MYOM2: variants seen among roughly 807,000 people sequenced by gnomAD.
MYOM2 encodes the protein myomesin 2.
MYOM2 carries 254 observed loss-of-function variants against 187.6 expected under a neutral mutation model. The observed-to-expected ratio is 1.35, with a 90% CI of 1.22 to 1.50. The LOEUF (loss-of-function observed/expected upper bound fraction) is 1.50, where lower values mean the gene tolerates loss of function less well. Ranked by LOEUF, MYOM2 falls within the 40% of genes most tolerant of loss-of-function variation. The probability of loss-of-function intolerance (pLI) is 0.00; values close to 1 mark genes in which losing one functional copy is unlikely to be tolerated. For missense variants in MYOM2, 2,796 were observed against 1,924.0 expected (o/e 1.45, Z -8.48); for synonymous variants, 981 against 753.8 (o/e 1.30, Z -4.94).
At chr8:2,139,049 CCCG>C (rs1798182512) in intron 32 of MYOM2, among the ~76,000 whole-genome samples, 2 of 136,288 alleles carry the variant, frequency 1.5e-5, no homozygotes, top group Non-Finnish European at 3.2e-5. Flanking sequence ...CCACCAGAGA[CCCG>C]ACACACACTG....
chr8:2,122,903 A>T (rs1797505143), intron 28 of MYOM2, among the ~76,000 whole-genome samples: 2 of 152,210 alleles, frequency 1.3e-5, no homozygotes, highest in South Asian at 2.1e-4. Flanking sequence ...ATTCTCTATT[A>T]TTCAGAAATC....
Position 2,098,927 on chromosome 8 carries a change from A to C in MYOM2, c.2384A>C (p.Glu795Ala). 6.2e-7 allele frequency: 1 copy of C among 1,613,492 alleles called. No homozygotes were observed. Among genetic ancestry groups the C allele is most frequent in the Non-Finnish European group, 8.5e-7 (1 of 1,179,814 alleles). Residue 795 changes from glutamate to alanine, a missense_variant, in exon 19 of 37, where the codon GAG becomes GCG. By Grantham distance (107) the Glu-to-Ala change is moderately radical. Coordinates refer to ENST00000262113, the MANE Select transcript of MYOM2 (RefSeq NM_003970.4). ...GCCGTCAACCTGGCCGGCATCGGGG[A>C]GCCCTCAGATCCCAGTGAGCACTTC... is the stretch of plus-strand genomic sequence containing the variant. ...IAAVNLAGIG[E>A]PSDPSEHFKC...
At chr8:2,133,390 C>T (rs79350235) in intron 32 of MYOM2, among the ~76,000 whole-genome samples, 5 of 152,302 alleles carry the variant, frequency 3.3e-5, no homozygotes, top group East Asian at 1.9e-4. Flanking sequence ...GACACCACAG[C>T]GCTATTGAAA....
intron 8 of MYOM2, 26 bp downstream of exon 8, chr8:2,069,523 G>C (rs1819143079): frequency 6.2e-7 from 1 of 1,613,840 alleles, no homozygotes; most frequent in Non-Finnish European, 8.5e-7. Context: ...TTTCTTTTCT[G>C]TGTGGTGAAA....
At chr8:2,093,365 A>T (rs1260509314) in intron 16 of MYOM2, among the ~76,000 whole-genome samples, 1 of 152,230 alleles carries the variant, frequency 6.6e-6, no homozygotes, top group Non-Finnish European at 1.5e-5. Context: ...TATGATAAAT[A>T]ATAATTGCTT....
At chr8:2,129,304 C>T (rs535145202) in intron 32 of MYOM2, 72 bp downstream of exon 32, 22 of 998,156 alleles carry the variant, frequency 2.2e-5, no homozygotes, top group Middle Eastern at 2.2e-4. Flanking sequence ...TGGGACCAGG[C>T]GCTCCCTGGG....
At chr8:2,049,043 G>A (rs1329811944) in intron 1 of MYOM2, among the ~76,000 whole-genome samples, 1 of 152,038 alleles carries the variant, frequency 6.6e-6, no homozygotes, top group African/African-American at 2.4e-5. Context: ...CACCCGCCTT[G>A]GCCTCCCAAA....
At chr8:2,132,422 G>A (rs941523126) in intron 32 of MYOM2, among the ~76,000 whole-genome samples, 11 of 152,174 alleles carry the variant, frequency 7.2e-5, no homozygotes, top group African/African-American at 2.4e-4. Flanking sequence ...CAGGCAAAGA[G>A]GAATTCAGTA....
chr8:2,122,898 C>G (rs1452659779), intron 28 of MYOM2, among the ~76,000 whole-genome samples: 1 of 152,124 alleles, frequency 6.6e-6, no homozygotes, highest in Non-Finnish European at 1.5e-5. Flanking sequence ...AGAATATTCT[C>G]TATTATTCAG....
intron 32 of MYOM2, among the ~76,000 whole-genome samples, chr8:2,137,089 A>T (rs1360339568): frequency 2.6e-5 from 4 of 151,084 alleles, no homozygotes; most frequent in Non-Finnish European, 4.4e-5. Context: ...ACACATATAC[A>T]CACACAGAGC....
At chr8:2,050,200 C>G (rs923838104) in intron 1 of MYOM2, among the ~76,000 whole-genome samples, 1 of 152,140 alleles carries the variant, frequency 6.6e-6, no homozygotes, top group Non-Finnish European at 1.5e-5. Flanking sequence ...TTCTCCTGCC[C>G]GACCTTTGCT....
Position 2,145,426 on chromosome 8 carries a change from T to A in MYOM2, c.*445T>A, listed in dbSNP as rs1798428042. On this transcript the variant is annotated 3_prime_UTR_variant, in exon 37 of 37. Transcript: ENST00000262113. The stretch of plus-strand genomic sequence containing the variant: ...GTTACCTGGTTAAGCTTGTTTTCTC[T>A]TGCTTTAGGCAAATAAAAGTTTAAA... 4.9e-6 allele frequency: 1 copy of A among 202,642 alleles called. No individual in the cohort carries two copies. Among genetic ancestry groups the A allele is most frequent in the Non-Finnish European group, 9.7e-6 (1 of 103,278 alleles). 12.6% of individuals were successfully genotyped at this position (202,642 alleles called of 1,614,324 possible).
intron 25 of MYOM2, among the ~76,000 whole-genome samples, chr8:2,113,659 G>C (rs1311280384): frequency 6.6e-6 from 1 of 152,172 alleles, no homozygotes; most frequent in African/African-American, 2.4e-5. Context: ...GATCAAGAAG[G>C]CTTCTCAGGT....
intron 10 of MYOM2, among the ~76,000 whole-genome samples, chr8:2,074,956 G>A (rs1013450340): frequency 2.0e-5 from 3 of 152,330 alleles, no homozygotes; most frequent in East Asian, 1.9e-4. Context: ...CCGATCAGCC[G>A]GGCATCCTTA....
At chr8:2,093,486 C>A (rs116872407) in intron 16 of MYOM2, among the ~76,000 whole-genome samples, 1 of 152,262 alleles carries the variant, frequency 6.6e-6, no homozygotes, top group African/African-American at 2.4e-5. Context: ...TCATCCCCAT[C>A]TTACAAATAG....
rs752562809 is a variant in MYOM2, at chr8:2,143,433, G to T, written c.4057G>T (p.Val1353Leu). 1.2e-6 allele frequency: 2 copies of T among 1,614,008 alleles called. No individual in the cohort carries two copies. Among genetic ancestry groups the T allele is most frequent in the Admixed American group, 1.7e-5 (1 of 59,958 alleles). The change falls in exon 36 of 37, where the codon GTG becomes TTG. Residue 1353 changes from valine to leucine, a missense_variant. Transcript: ENST00000262113. Reference protein sequence around the residue: ...RGRLIGGLPDVVTIMEGKTLN... With the variant: ...RGRLIGGLPDLVTIMEGKTLN... ...CAGGTTGATCGGCGGCTTGCCTGAC[G>T]TGGTGACCATCATGGAAGGGAAGGT...
At chr8:2,076,333 AC>A in intron 11 of MYOM2, 51 bp downstream of exon 11, 1 of 1,588,538 alleles carries the variant, frequency 6.3e-7, no homozygotes, top group Non-Finnish European at 8.6e-7. Flanking sequence ...ATGGAATCTT[AC>A]CATGGACAAT....
intron 35 of MYOM2, 47 bp from the exon 36 acceptor site, chr8:2,143,354 G>T: frequency 2.5e-6 from 4 of 1,612,466 alleles, no homozygotes; most frequent in Non-Finnish European, 3.4e-6. Flanking sequence ...TGCTCCGTGG[G>T]AACGTCCCGC....
chr8:2,144,222 AT>A (rs1000799412), intron 36 of MYOM2, among the ~76,000 whole-genome samples: 1 of 152,202 alleles, frequency 6.6e-6, no homozygotes, highest in African/African-American at 2.4e-5. Context: ...TCAAGAATGC[AT>A]TTTTTTGCCT....
Sources: allele counts gnomAD v4.1 joint callset (sites outside exome capture counted in the v4.1 genomes callset), GRCh38; gene constraint gnomAD v4.1.1; transcripts MANE v1.5; gene names NCBI Gene and HGNC (gene_info 2026-07-23, HGNC 2026-07-21).